ATG5: variants seen among roughly 807,000 people sequenced by gnomAD.
The protein encoded by ATG5 is autophagy related 5, also known as autophagy protein 5.
A neutral mutation model predicts 36.5 loss-of-function variants in ATG5; 14 were observed. The observed-to-expected ratio is 0.38, with a 90% confidence interval of 0.25 to 0.60. The LOEUF (loss-of-function observed/expected upper bound fraction) is 0.60, where lower values mean the gene tolerates loss of function less well. Ranked by LOEUF, ATG5 falls within the 20% of genes least tolerant of loss-of-function variation. The probability of loss-of-function intolerance (pLI) is 0.60; values close to 1 mark genes in which losing one functional copy is unlikely to be tolerated. For missense variants in ATG5, 195 were observed against 326.7 expected (o/e 0.60, Z 3.11); for synonymous variants, 95 against 101.5 (o/e 0.94, Z 0.38).
intron 5 of ATG5, among the ~76,000 whole-genome samples, chr6:106,278,660 C>T (rs1260041132): frequency 2.6e-5 from 4 of 152,208 alleles, no homozygotes; most frequent in Non-Finnish European, 5.9e-5. Flanking sequence ...TCATTCCCAA[C>T]ATTATCAGTT....
chr6:106,295,290 A>G (rs1021555586), intron 3 of ATG5, among the ~76,000 whole-genome samples: 1 of 152,206 alleles, frequency 6.6e-6, no homozygotes, highest in Non-Finnish European at 1.5e-5. Context: ...TTAAAGTTTT[A>G]TTCACTTGGA....
At chr6:106,190,933 C>A (rs1305391481) in intron 7 of ATG5, among the ~76,000 whole-genome samples, 1 of 152,078 alleles carries the variant, frequency 6.6e-6, no homozygotes, top group Non-Finnish European at 1.5e-5. Context: ...GCCAATTATG[C>A]ACCACTAGTT....
intron 3 of ATG5, 93 bp from the exon 4 acceptor site, chr6:106,293,199 A>C: frequency 2.1e-6 from 2 of 959,338 alleles, no homozygotes; most frequent in Middle Eastern, 3.3e-4. Flanking sequence ...TTAACACCAA[A>C]TGTCAGGGGC....
rs774776776 is a variant in ATG5 at position 106,309,713 on chromosome 6, C to T, written c.109-1222G>A. Among the ~76,000 whole-genome samples, 180 of 152,074 alleles carry T rather than the reference C, an allele frequency of 1.2e-3. 1 individual carries two copies. The highest frequency in any genetic ancestry group is 1.6e-3 in the Non-Finnish European group (112 of 67,964). On this transcript the variant is annotated intron_variant, in intron 2 of 7. Coordinates refer to ENST00000369076, the MANE Select transcript of ATG5 (RefSeq NM_004849.4). The stretch of plus-strand genomic sequence containing the variant: ...TGGCAGAGAAAAGATTCAGTGTAGT[C>T]TTTCAGAAATGACAAATACAGATGT...
intron 7 of ATG5, among the ~76,000 whole-genome samples, chr6:106,196,997 G>T (rs1397472074): frequency 6.6e-6 from 1 of 152,122 alleles, no homozygotes; most frequent in Non-Finnish European, 1.5e-5. Flanking sequence ...TGTATCAAGG[G>T]AGACCCCCCA....
intron 3 of ATG5, among the ~76,000 whole-genome samples, chr6:106,305,780 A>G (rs562947308): frequency 2.1e-4 from 32 of 152,360 alleles, no homozygotes; most frequent in African/African-American, 7.5e-4. Flanking sequence ...TATTTTGCGA[A>G]GCCCACTACT....
At chr6:106,302,181 ATAAT>A (rs1770240398) in intron 3 of ATG5, among the ~76,000 whole-genome samples, 1 of 152,104 alleles carries the variant, frequency 6.6e-6, no homozygotes, top group Non-Finnish European at 1.5e-5. Context: ...ATATGAATGA[ATAAT>A]TAATTACAAC....
At chr6:106,220,635 C>G (rs1440187912) in intron 6 of ATG5, among the ~76,000 whole-genome samples, 2 of 151,990 alleles carry the variant, frequency 1.3e-5, no homozygotes. Flanking sequence ...AGTAATTAGA[C>G]CAAAAGCAAC....
Position 106,210,194 on chromosome 6 carries a change from C to T in ATG5, c.574-8105G>A, listed in dbSNP as rs1333930296. 3.3e-5 allele frequency among the ~76,000 whole-genome samples: 5 copies of T among 152,150 alleles called. No homozygotes were observed. The East Asian group carries it at 5.8e-4, about 18-fold the overall frequency. ...AGGTGGGGACTCAAGACTCAGGTAG[C>T]AGGAAAAGCCCCTTAGGTGATCCTG... On this transcript the variant is annotated intron_variant, in intron 6 of 7. Transcript: ENST00000369076.
chr6:106,251,641 GA>G (rs1562237499), intron 5 of ATG5, among the ~76,000 whole-genome samples: 1 of 82,490 alleles, frequency 1.2e-5, no homozygotes, highest in South Asian at 5.5e-4. Context: ...ATCAGAGAGA[GA>G]GAGAGGGAGG....
rs766062613 is a variant in ATG5 at position 106,316,087 on chromosome 6, A to G, written c.108+14T>C. 1 of 1,589,814 alleles carries G rather than the reference A, an allele frequency of 6.3e-7. No homozygotes were observed. Among genetic ancestry groups the G allele is most frequent in the Non-Finnish European group, 8.6e-7 (1 of 1,164,714 alleles). On this transcript the variant is annotated intron_variant, in intron 2 of 7. Coordinates refer to ENST00000369076, the MANE Select transcript of ATG5 (RefSeq NM_004849.4). Reference sequence around the variant, plus strand: ...AAGGTTAAATATCCCATTTGCCACAATCAATGTACTTACATAGTATGGTTC... The same window carrying G: ...AAGGTTAAATATCCCATTTGCCACAGTCAATGTACTTACATAGTATGGTTC...
At chr6:106,262,334 G>T (rs1779054987) in intron 5 of ATG5, among the ~76,000 whole-genome samples, 1 of 152,112 alleles carries the variant, frequency 6.6e-6, no homozygotes, top group South Asian at 2.1e-4. Context: ...AAAGTGCTGG[G>T]ATTACAGGCA....
chr6:106,191,692 T>C (rs1014400676), intron 7 of ATG5, among the ~76,000 whole-genome samples: 14 of 151,942 alleles, frequency 9.2e-5, no homozygotes, highest in African/African-American at 3.4e-4. Flanking sequence ...GAGTGACTCT[T>C]CTCCACCCCT....
chr6:106,239,714 G>A (rs2114489284), intron 6 of ATG5, among the ~76,000 whole-genome samples: 1 of 152,370 alleles, frequency 6.6e-6, no homozygotes, highest in African/African-American at 2.4e-5. Flanking sequence ...GAAAAGGACA[G>A]TAAGAAGTGA....
rs1276955425 is a variant in ATG5, at chr6:106,248,769, T to C, written c.479-525A>G. On this transcript the variant is annotated intron_variant, in intron 5 of 7. Transcript: ENST00000369076. ...GCCTGACCAACATGGAGAAACCCCG[T>C]CTCTATTAAAAATACAAAATTAGCC... 3.9e-5 allele frequency among the ~76,000 whole-genome samples: 6 copies of C among 152,016 alleles called. 1 individual carries two copies. Among genetic ancestry groups the C allele is most frequent in the Admixed American group, 1.3e-4 (2 of 15,262 alleles).
chr6:106,322,324 C>G (rs572657254), intron 1 of ATG5, among the ~76,000 whole-genome samples: 4 of 152,126 alleles, frequency 2.6e-5, no homozygotes, highest in Admixed American at 2.0e-4. Context: ...TAACCTACTA[C>G]CTGAAGTAAT....
At chr6:106,231,213 T>C (rs1777676433) in intron 6 of ATG5, among the ~76,000 whole-genome samples, 1 of 152,222 alleles carries the variant, frequency 6.6e-6, no homozygotes, top group Non-Finnish European at 1.5e-5. Flanking sequence ...AATTCTCAGA[T>C]AACCCTAATG....
chr6:106,280,274 C>CA (rs71793771), intron 4 of ATG5, among the ~76,000 whole-genome samples: 8,950 of 87,204 alleles, frequency 0.1, 318 homozygotes, highest in Middle Eastern at 0.13. Flanking sequence ...AGTATTATGT[C>CA]AAAAAAAAAA....
intron 6 of ATG5, among the ~76,000 whole-genome samples, chr6:106,207,509 C>T (rs1206181585): frequency 3.3e-5 from 5 of 149,790 alleles, no homozygotes; most frequent in Non-Finnish European, 5.9e-5. Context: ...GAGACTCACC[C>T]GGGCAACACA....
Sources: gnomAD v4.1 joint callset for allele counts (sites outside exome capture counted in the v4.1 genomes callset) on GRCh38, gnomAD v4.1.1 for gene constraint, MANE v1.5 for transcripts, NCBI Gene and HGNC (gene_info 2026-07-23, HGNC 2026-07-21) for gene names.